Variants in SH2D3A observed in about 807,000 individuals in gnomAD.
SH2D3A encodes the protein SH2 domain-containing protein 3A.
Under a neutral mutation model 50.6 loss-of-function variants are expected in SH2D3A, and 46 were observed. The ratio of observed to expected loss-of-function variants is 0.91; its 90% CI spans 0.72 to 1.16. SH2D3A has a LOEUF of 1.16. SH2D3A is among the 50% of genes most tolerant of loss of function. SH2D3A has a pLI of 0.00. For synonymous variants in SH2D3A, 377 were observed against 348.4 expected, an observed-to-expected ratio of 1.08 and a Z score of -0.91; for missense variants, 783 against 786.2, an observed-to-expected ratio of 1.00 and a Z score of 0.05.
At chr19:6,765,816 A>G (rs545892266) in intron 1 of SH2D3A, among the ~76,000 whole-genome samples, 67 of 152,056 alleles carry the variant, frequency 4.4e-4, no homozygotes, top group Non-Finnish European at 8.1e-4. Flanking sequence ...TTTTGTAGCA[A>G]TGTCAGCAAA....
chr19:6,756,272 CT>C (rs983770972), intron 4 of SH2D3A, among the ~76,000 whole-genome samples: 5 of 149,504 alleles, frequency 3.3e-5, no homozygotes, highest in African/African-American at 7.3e-5. Flanking sequence ...AGATATTTTA[CT>C]TTTTTTGTGA....
At chr19:6,764,964 G>A (rs140513114) in intron 1 of SH2D3A, among the ~76,000 whole-genome samples, 6 of 142,804 alleles carry the variant, frequency 4.2e-5, no homozygotes, top group Non-Finnish European at 9.0e-5. Context: ...TGCAACTTCC[G>A]CCTGCTGGTT....
Position 6,754,361 on chromosome 19 carries a change from GCT to G in SH2D3A, c.1160_1161del (p.Glu387AlafsTer60), listed in dbSNP as rs768038236. The G allele has an allele frequency of 3.8e-6, 6 of 1,565,338 alleles. No homozygotes were observed. Among genetic ancestry groups the G allele is most frequent in the Non-Finnish European group, 3.4e-6 (4 of 1,162,492 alleles). ...ACCAGTCCCCTCAGTGCGGCTGCGC[GCT>G]CCTCCAGCGGCCCCGAGCAGCCCAG... is the stretch of plus-strand genomic sequence containing the variant. ...AVLGCSGPLE[E>X]RAAALRGLVE... On this transcript the variant is annotated frameshift_variant, in exon 7 of 10. Transcript: ENST00000245908. LOFTEE classifies it high-confidence loss of function.
Position 6,755,174 on chromosome 19 carries a change from G to A in SH2D3A, c.638C>T (p.Pro213Leu). ...GQLQAKAPTK[P>L]PRTPSFELPD... ...CAGTTCGAAGGAGGGTGTCCGGGGG[G>A]GCTTCGTTGGTGCCTTGGCTTGAAG... is the stretch of plus-strand genomic sequence containing the variant. Residue 213 changes from proline (P) to leucine (L), a missense_variant, in exon 5 of 10, where the codon CCC becomes CTC. By Grantham distance (98) the Pro-to-Leu change is moderately conservative. Coordinates refer to ENST00000245908, the MANE Select transcript of SH2D3A (RefSeq NM_005490.3). The A allele has an allele frequency of 6.3e-7, 1 of 1,599,592 alleles. No individual in the cohort carries two copies. Among genetic ancestry groups the A allele is most frequent in the Admixed American group, 1.7e-5 (1 of 58,878 alleles).
At chr19:6,763,566 A>C (rs983793310) in intron 2 of SH2D3A, 114 bp downstream of exon 2, 81 of 861,366 alleles carry the variant, frequency 9.4e-5, no homozygotes, top group Non-Finnish European at 1.2e-4. Flanking sequence ...GCCCTCTGCC[A>C]CCTGTCCCAA....
At position 6,761,598 on chromosome 19, in the gene SH2D3A, T is replaced by A. The variant is rs147139857; in HGVS notation, c.70-611A>T. On this transcript the variant is annotated intron_variant, in intron 2 of 9. Coordinates refer to ENST00000245908, the MANE Select transcript of SH2D3A (RefSeq NM_005490.3). ...TGGATGCTTCCAGATTGGGGCCCCC[T>A]CTTTTATAAACATTTGCAAGCAGTC... is the stretch of plus-strand genomic sequence containing the variant. 3.2e-3 allele frequency among the ~76,000 whole-genome samples: 483 copies of A among 152,258 alleles called. 3 individuals carry two copies. The highest frequency in any genetic ancestry group is 0.011 in the African/African-American group (462 of 41,542).
At chr19:6,763,877 C>G in intron 1 of SH2D3A, 61 bp from the exon 2 acceptor site, 1 of 249,940 alleles carries the variant, frequency 4.0e-6, no homozygotes. Context: ...TCATCCTCTT[C>G]TTAATTTTGG....
At position 6,753,597 on chromosome 19, in the gene SH2D3A, T is replaced by C; in HGVS notation, c.1429A>G (p.Met477Val). The C allele has an allele frequency of 6.3e-7, 1 of 1,590,740 alleles. No individual in the cohort carries two copies. Among genetic ancestry groups the C allele is most frequent in the Non-Finnish European group, 8.5e-7 (1 of 1,169,608 alleles). The change falls in exon 9 of 10, where the codon ATG becomes GTG. Residue 477 changes from methionine to valine, a missense_variant. By Grantham distance (21) the Met-to-Val change is conservative (BLOSUM62 1). Transcript: ENST00000245908. ...GEVALPHVAP[M>V]VRLLEGEEVA... ...TCCTCGCCCTCCAGTAGGCGAACCA[T>C]GGGTGCCACGTGCGGCAGCGCCACC... is the stretch of plus-strand genomic sequence containing the variant.
intron 2 of SH2D3A, 162 bp from the exon 3 acceptor site, chr19:6,761,149 C>T (rs148372938): frequency 1.6e-6 from 1 of 620,144 alleles, no homozygotes; most frequent in South Asian, 2.0e-5. Context: ...TTCTGTCCCC[C>T]TTTCTCCTGG....
At chr19:6,763,902 AATCTTTT>A in intron 1 of SH2D3A, 86 bp from the exon 2 acceptor site, 2 of 310,402 alleles carry the variant, frequency 6.4e-6, no homozygotes, top group African/African-American at 5.0e-5. Context: ...AGCTCCATCA[AATCTTTT>A]TTTTTTTTTT....
intron 1 of SH2D3A, among the ~76,000 whole-genome samples, chr19:6,766,506 G>A (rs1277408169): frequency 6.6e-6 from 1 of 152,232 alleles, no homozygotes. Context: ...TCATAAACAT[G>A]TGTCCACGTG....
At chr19:6,762,725 C>T (rs1599594800) in intron 2 of SH2D3A, among the ~76,000 whole-genome samples, 1 of 145,544 alleles carries the variant, frequency 6.9e-6, no homozygotes, top group African/African-American at 2.5e-5. Context: ...TGCTATGTTG[C>T]CCAGACTGGT....
rs777295377 is a variant in SH2D3A, at chr19:6,754,633, C to T, written c.1080G>A (p.Arg360=). The stretch of plus-strand genomic sequence containing the variant: ...TGGCTCACCTCTCCAGCAGTTCCAA[C>T]CTCAAGTGGTGTCCATGGGGAAGAG... ...LLTLPHGHHL[R]LELLERHQTL... Residue 360 remains arginine (R), a synonymous_variant, in exon 6 of 10, where the codon AGG becomes AGA. Transcript: ENST00000245908. 3.1e-6 allele frequency: 5 copies of T among 1,614,104 alleles called. No homozygotes were observed. The highest frequency in any genetic ancestry group is 4.2e-6 in the Non-Finnish European group (5 of 1,180,044).
intron 9 of SH2D3A, chr19:6,753,015 C>T (rs1437419374): frequency 1.5e-5 from 15 of 985,244 alleles, no homozygotes; most frequent in Non-Finnish European, 1.8e-5. Context: ...GGAGGTCCCG[C>T]CTTAGGGGCT....
rs757708465 is a variant in SH2D3A at position 6,755,140 on chromosome 19, G to C, written c.672C>G (p.Ala224=). Residue 224 remains alanine, a synonymous_variant, in exon 5 of 10, where the codon GCC becomes GCG. Transcript: ENST00000245908. Reference sequence around the variant, plus strand: ...CGCAGTACGTCGGGGGACGTTCAGAGGCATCAGGCAGTTCGAAGGAGGGTG... The same window carrying C: ...CGCAGTACGTCGGGGGACGTTCAGACGCATCAGGCAGTTCGAAGGAGGGTG... ...PRTPSFELPD[A]SERPPTYCEL... is the part of the protein sequence containing the mutation. 11 of 1,612,322 alleles carry C rather than the reference G, an allele frequency of 6.8e-6. No individual in the cohort carries two copies. Among genetic ancestry groups the C allele is most frequent in the Non-Finnish European group, 5.1e-6 (6 of 1,178,770 alleles).
chr19:6,760,861 C>T lies in SH2D3A; in HGVS notation c.196G>A (p.Ala66Thr), dbSNP rs1240188603. ...SALHFEVFRVALRPRPGRPTA... is the reference protein window; with the variant it reads ...SALHFEVFRVTLRPRPGRPTA... ...GGTCGGCCTGGCCGGGGACGCAGGG[C>T]CACACGGAACACCTCAAAATGGAGG... is the stretch of plus-strand genomic sequence containing the variant. The change falls in exon 3 of 10, where the codon GCC (alanine) becomes ACC (threonine). Residue 66 changes from alanine to threonine, a missense_variant. Physicochemically the swap from Ala to Thr is moderately conservative, Grantham distance 58. Coordinates refer to ENST00000245908, the MANE Select transcript of SH2D3A (RefSeq NM_005490.3). 6.2e-7 allele frequency: 1 copy of T among 1,614,100 alleles called. No homozygotes were observed. The highest frequency in any genetic ancestry group is 1.3e-5 in the African/African-American group (1 of 74,952).
rs942854505 is a variant in SH2D3A at position 6,752,204 on chromosome 19, A to T, written c.*389T>A. The T allele has an allele frequency of 5.2e-6, 1 of 190,792 alleles. No homozygotes were observed. The highest frequency in any genetic ancestry group is 2.3e-5 in the African/African-American group (1 of 42,940). 11.8% of individuals were successfully genotyped at this position (190,792 alleles called of 1,614,324 possible). ...TTTTTATTTTTCAGTTTTTGTAGAG[A>T]TGAGGTCTCACCATGTTGCCCTGGC... On this transcript the variant is annotated 3_prime_UTR_variant, in exon 10 of 10. Transcript: ENST00000245908.
At position 6,752,747 on chromosome 19, in the gene SH2D3A, C is replaced by T. The variant is rs746553675; in HGVS notation, c.1577G>A (p.Arg526Gln). Residue 526 changes from arginine to glutamine, a missense_variant, in exon 10 of 10, where the codon CGG (arginine) becomes CAG (glutamine). Coordinates refer to ENST00000245908, the MANE Select transcript of SH2D3A (RefSeq NM_005490.3). Reference sequence around the variant, plus strand: ...GGCCTCCCTCAGCTCCGGGTTAGGCCGGAATCCTGGAAGCAAGGTCAGGTG... The same window carrying T: ...GGCCTCCCTCAGCTCCGGGTTAGGCTGGAATCCTGGAAGCAAGGTCAGGTG... ...KVAAQRLRGF[R>Q]PNPELREALT... The T allele has an allele frequency of 1.3e-6, 2 of 1,536,720 alleles. No homozygotes were observed. The highest frequency in any genetic ancestry group is 1.8e-6 in the Non-Finnish European group (2 of 1,137,872).
chr19:6,755,443 C>T (rs1161028653), intron 4 of SH2D3A, 128 bp from the exon 5 acceptor site: 2 of 583,322 alleles, frequency 3.4e-6, no homozygotes, highest in Non-Finnish European at 5.7e-6. Flanking sequence ...GTATAACAAC[C>T]TATCCGGGTG....
Sources: gnomAD v4.1 joint callset for allele counts (sites outside exome capture counted in the v4.1 genomes callset) on GRCh38, gnomAD v4.1.1 for gene constraint, MANE v1.5 for transcripts, NCBI Gene and HGNC (gene_info 2026-07-23, HGNC 2026-07-21) for gene names.